The following SAE1 variants were observed in gnomAD, a reference collection of about 807,000 sequenced individuals.
The protein encoded by SAE1 is SUMO-activating enzyme subunit 1.
In SAE1, 11 loss-of-function variants were observed where a neutral mutation model predicts 40.6. The observed-to-expected ratio is 0.27, with a 90% CI of 0.17 to 0.45. The LOEUF is 0.45. Ranked by LOEUF, SAE1 falls within the 20% of genes least tolerant of loss-of-function variation. SAE1 has a pLI of 1.00. For synonymous variants in SAE1, 155 were observed against 154.3 expected (o/e 1.00, Z -0.03); for missense variants, 373 against 427.3 (o/e 0.87, Z 1.12).
At chr19:47,142,634 C>T (rs1011982105) in intron 1 of SAE1, 12 of 152,100 alleles carry the variant, frequency 7.9e-5, no homozygotes, top group African/African-American at 2.9e-4. Context: ...ATGATGTGGC[C>T]CCTTGTTCCA....
chr19:47,195,887 A>G (rs996618761), intron 6 of SAE1, among the ~76,000 whole-genome samples: 1 of 139,448 alleles, frequency 7.2e-6, no homozygotes, highest in Non-Finnish European at 1.5e-5. Flanking sequence ...GCACCACCAT[A>G]CTTGGCTAAA....
At chr19:47,168,019 C>T (rs2058405331) in intron 5 of SAE1, among the ~76,000 whole-genome samples, 2 of 152,006 alleles carry the variant, frequency 1.3e-5, no homozygotes, top group African/African-American at 4.8e-5. Context: ...ATAGTGAAAT[C>T]CTGTCTCTAC....
chr19:47,141,090 C>T (rs2058218929), intron 1 of SAE1, among the ~76,000 whole-genome samples: 1 of 152,118 alleles, frequency 6.6e-6, no homozygotes, highest in South Asian at 2.1e-4. Context: ...CAACCTCCGC[C>T]TCCCAGGTTT....
intron 7 of SAE1, among the ~76,000 whole-genome samples, chr19:47,199,823 C>T (rs2058641166): frequency 1.3e-5 from 2 of 152,116 alleles, no homozygotes; most frequent in Admixed American, 6.6e-5. Flanking sequence ...AGATGAGTGC[C>T]CCAGTGAGTT....
chr19:47,200,185 G>A (rs768392764), intron 7 of SAE1, among the ~76,000 whole-genome samples: 3 of 150,626 alleles, frequency 2.0e-5, no homozygotes, highest in African/African-American at 7.3e-5. Context: ...CACCTGCCTC[G>A]GCCTCCCAAA....
At chr19:47,199,750 C>T (rs1313371574) in intron 7 of SAE1, among the ~76,000 whole-genome samples, 1 of 152,142 alleles carries the variant, frequency 6.6e-6, no homozygotes, top group Non-Finnish European at 1.5e-5. Flanking sequence ...AGTCCTTCTT[C>T]CTGCTGCGAA....
At chr19:47,154,282 G>A (rs1461632158) in intron 4 of SAE1, among the ~76,000 whole-genome samples, 1 of 150,776 alleles carries the variant, frequency 6.6e-6, no homozygotes, top group Non-Finnish European at 1.5e-5. Flanking sequence ...GCAGAGACGG[G>A]GTTTCACTAT....
chr19:47,151,189 G>T lies in SAE1; in HGVS notation c.384+814G>T, dbSNP rs149040274. On this transcript the variant is annotated intron_variant, in intron 3 of 8. Coordinates refer to ENST00000270225, the MANE Select transcript of SAE1 (RefSeq NM_005500.3). Reference sequence around the variant, plus strand: ...TTTGAGATGGAGTTTTGCTCTTGTCGCCCAGGCTGGAGTGCAATTGTGCGA... The same window carrying T: ...TTTGAGATGGAGTTTTGCTCTTGTCTCCCAGGCTGGAGTGCAATTGTGCGA... Among the ~76,000 whole-genome samples, 643 of 150,794 alleles carry T rather than the reference G, an allele frequency of 4.3e-3. 6 individuals are homozygous for T. The highest frequency in any genetic ancestry group is 0.015 in the African/African-American group (609 of 41,040).
intron 6 of SAE1, among the ~76,000 whole-genome samples, chr19:47,194,501 GCCCCCT>G (rs1352864334): frequency 6.6e-6 from 1 of 152,170 alleles, no homozygotes; most frequent in Non-Finnish European, 1.5e-5. Flanking sequence ...AAACTGTAAA[GCCCCCT>G]CTCCAGGTGT....
intron 1 of SAE1, among the ~76,000 whole-genome samples, chr19:47,141,651 A>G (rs1207910185): frequency 6.6e-6 from 1 of 152,060 alleles, no homozygotes; most frequent in Admixed American, 6.6e-5. Flanking sequence ...TGAAGGGGAA[A>G]GGCGTAGGTA....
chr19:47,183,807 G>A (rs1238705540), intron 6 of SAE1, among the ~76,000 whole-genome samples: 3 of 152,210 alleles, frequency 2.0e-5, no homozygotes, highest in African/African-American at 4.8e-5. Flanking sequence ...GAGAGCAGCA[G>A]ATGCCTAGAG....
intron 1 of SAE1, among the ~76,000 whole-genome samples, chr19:47,134,028 A>G (rs1189447110): frequency 6.6e-6 from 1 of 151,436 alleles, no homozygotes; most frequent in East Asian, 1.9e-4. Flanking sequence ...ATGCCCAGCT[A>G]ATTTTTGTAT....
In SAE1 at chr19:47,155,097, C is replaced by A. The variant is rs771210840; in HGVS notation, c.528-17C>A. ...TCCTAGGGTAAAATTACATTCTCTC[C>A]CCTTGTCACCCTCTAGGGAGAAAAC... On this transcript the variant is annotated splice_polypyrimidine_tract_variant and intron_variant, in intron 4 of 8. Coordinates refer to ENST00000270225, the MANE Select transcript of SAE1 (RefSeq NM_005500.3). The A allele has an allele frequency of 1.4e-6, 2 of 1,467,606 alleles. No individual in the cohort carries two copies. The highest frequency in any genetic ancestry group is 3.4e-5 in the Admixed American group (2 of 59,122). The allele number at this position is 1,467,606 out of a possible 1,614,324, so 90.9% of individuals were successfully genotyped here.
chr19:47,179,053 G>T (rs942099591), intron 6 of SAE1, among the ~76,000 whole-genome samples: 1 of 151,752 alleles, frequency 6.6e-6, no homozygotes, highest in African/African-American at 2.4e-5. Context: ...TTAGCCGGGC[G>T]TGGTGGCGGG....
chr19:47,131,697 CTTTTTTTT>C (rs554165710), intron 1 of SAE1, among the ~76,000 whole-genome samples: 2 of 84,142 alleles, frequency 2.4e-5, no homozygotes, highest in African/African-American at 9.3e-5. Flanking sequence ...TTAGGGAATT[CTTTTTTTT>C]TTTTTTTTTT....
intron 6 of SAE1, among the ~76,000 whole-genome samples, chr19:47,190,300 G>T (rs1943642038): frequency 6.6e-6 from 1 of 152,156 alleles, no homozygotes; most frequent in African/African-American, 2.4e-5. Flanking sequence ...TTTATAATGT[G>T]TAAACTGGTG....
At chr19:47,142,276 C>T (rs777601112) in intron 1 of SAE1, among the ~76,000 whole-genome samples, 5 of 151,040 alleles carry the variant, frequency 3.3e-5, no homozygotes, top group Non-Finnish European at 7.4e-5. Flanking sequence ...CCCAGCTACT[C>T]GGGAGGCTGA....
At chr19:47,151,255 T>C (rs573042874) in intron 3 of SAE1, among the ~76,000 whole-genome samples, 4 of 151,948 alleles carry the variant, frequency 2.6e-5, no homozygotes, top group African/African-American at 9.7e-5. Context: ...GTTCAAGTGA[T>C]TCTCCTGCCT....
At chr19:47,180,421 A>G in intron 6 of SAE1, 1 of 364,794 alleles carries the variant, frequency 2.7e-6, no homozygotes. Flanking sequence ...TATGAAGATA[A>G]CAAAGTCTAT....
Sources: gnomAD v4.1 joint callset for allele counts (sites outside exome capture counted in the v4.1 genomes callset) on GRCh38, gnomAD v4.1.1 for gene constraint, MANE v1.5 for transcripts, NCBI Gene and HGNC (gene_info 2026-07-23, HGNC 2026-07-21) for gene names.